The following SPOCK3 variants were observed in gnomAD, a reference collection of about 807,000 sequenced individuals.
SPOCK3 encodes SPARC (osteonectin), cwcv and kazal like domains proteoglycan 3.
In SPOCK3, 30 loss-of-function variants were observed where a neutral mutation model predicts 56.6. The observed-to-expected ratio is 0.53, with a 90% confidence interval of 0.40 to 0.72. The LOEUF (loss-of-function observed/expected upper bound fraction) is 0.72, where lower values mean the gene tolerates loss of function less well. Among genes scored for constraint, SPOCK3 ranks in the 30% least tolerant of loss-of-function variants. The pLI is 0.00. For missense variants in SPOCK3, 527 were observed against 530.0 expected, an observed-to-expected ratio of 0.99 and a Z score of 0.06; for synonymous variants, 196 against 183.3, an observed-to-expected ratio of 1.07 and a Z score of -0.56.
At chr4:166,886,225 T>TGAAA (rs1734190178) in intron 6 of SPOCK3, among the ~76,000 whole-genome samples, 1 of 152,098 alleles carries the variant, frequency 6.6e-6, no homozygotes, top group Non-Finnish European at 1.5e-5. Flanking sequence ...GTCAATATCC[T>TGAAA]TTGAATGAAT....
intron 2 of SPOCK3, among the ~76,000 whole-genome samples, chr4:167,222,995 T>C (rs1229890506): frequency 7.9e-6 from 1 of 126,440 alleles, no homozygotes; most frequent in Non-Finnish European, 1.6e-5. Flanking sequence ...ATATTTTATA[T>C]ATGAATATAT....
intron 6 of SPOCK3, among the ~76,000 whole-genome samples, chr4:166,792,594 C>T (rs1025920714): frequency 2.6e-5 from 4 of 151,902 alleles, no homozygotes; most frequent in African/African-American, 7.3e-5. Flanking sequence ...GTCATAAATA[C>T]TTTTTTATGC....
At position 166,754,737 on chromosome 4, in the gene SPOCK3, C is replaced by CA. The variant is rs369209026; in HGVS notation, c.710-9dup. Reference sequence around the variant, plus strand: ...AGATGCTGGTATCGAATCCTAAAGGCAAAAAAAAGAAAATGATTAGTTAAA... The same window carrying CA: ...AGATGCTGGTATCGAATCCTAAAGGCAAAAAAAAAGAAAATGATTAGTTAAA... On this transcript the variant is annotated splice_polypyrimidine_tract_variant and intron_variant, in intron 7 of 10. Coordinates refer to ENST00000357545, the MANE Select transcript of SPOCK3 (RefSeq NM_001040159.2). The CA allele has an allele frequency of 3.1e-3, 5,000 of 1,596,472 alleles. 10 individuals carry two copies. The highest frequency in any genetic ancestry group is 3.6e-3 in the Non-Finnish European group (4,278 of 1,173,626).
rs1280035250 is a variant in SPOCK3 at position 167,176,557 on chromosome 4, A to G, written c.189+57428T>C. ...TTAAATGCCATTTTTTTTGTTGTCAATGTATCTTCACAGTATGTATATTAA... is the reference window on the plus strand; with the variant it reads ...TTAAATGCCATTTTTTTTGTTGTCAGTGTATCTTCACAGTATGTATATTAA... On this transcript the variant is annotated intron_variant, in intron 2 of 10. Coordinates refer to ENST00000357545, the MANE Select transcript of SPOCK3 (RefSeq NM_001040159.2). 2.0e-5 allele frequency among the ~76,000 whole-genome samples: 3 copies of G among 152,078 alleles called. No homozygotes were observed. In the East Asian group the frequency reaches 5.8e-4, roughly 29 times the overall value.
At chr4:166,895,083 T>C (rs1341577161) in intron 5 of SPOCK3, among the ~76,000 whole-genome samples, 1 of 152,120 alleles carries the variant, frequency 6.6e-6, no homozygotes, top group African/African-American at 2.4e-5. Flanking sequence ...GTCATTCAAA[T>C]CAAAATTCTT....
At chr4:167,013,459 C>A (rs953896010) in intron 3 of SPOCK3, among the ~76,000 whole-genome samples, 2 of 150,734 alleles carry the variant, frequency 1.3e-5, no homozygotes, top group African/African-American at 4.9e-5. Flanking sequence ...AAAATAGATG[C>A]CTTTCAGAAT....
intron 4 of SPOCK3, among the ~76,000 whole-genome samples, chr4:166,943,147 T>C (rs967845984): frequency 2.0e-5 from 3 of 152,232 alleles, no homozygotes; most frequent in South Asian, 2.1e-4. Context: ...AAACATTTTA[T>C]AGCACACTTC....
At chr4:167,015,044 C>T (rs1406062730) in intron 3 of SPOCK3, among the ~76,000 whole-genome samples, 2 of 151,824 alleles carry the variant, frequency 1.3e-5, no homozygotes, top group Non-Finnish European at 2.9e-5. Flanking sequence ...CAAAACCATG[C>T]AATCAGAAAT....
chr4:166,873,780 G>A (rs1184189544), intron 6 of SPOCK3, among the ~76,000 whole-genome samples: 1 of 152,098 alleles, frequency 6.6e-6, no homozygotes, highest in South Asian at 2.1e-4. Flanking sequence ...ACTAGGCACT[G>A]TAGATGCTAA....
chr4:167,005,219 T>C (rs943196373), intron 3 of SPOCK3, among the ~76,000 whole-genome samples: 10 of 151,312 alleles, frequency 6.6e-5, no homozygotes, highest in Non-Finnish European at 1.3e-4. Context: ...TTCTTTATTC[T>C]TTTTTTTTGA....
Position 166,855,194 on chromosome 4 carries a change from C to T in SPOCK3, c.589+33936G>A, listed in dbSNP as rs557167797. ...GGCCAAGAGAAAAGTTTCCCCCTGA[C>T]CCCCCAACAATCAGCTCAGCACTTC... is the stretch of plus-strand genomic sequence containing the variant. On this transcript the variant is annotated intron_variant, in intron 6 of 10. Transcript: ENST00000357545. Among the ~76,000 whole-genome samples the T allele has an allele frequency of 9.4e-4, 143 of 152,208 alleles. 1 individual carries two copies. Among genetic ancestry groups the T allele is most frequent in the African/African-American group, 3.2e-3 (134 of 41,532 alleles).
intron 2 of SPOCK3, among the ~76,000 whole-genome samples, chr4:167,077,893 A>C (rs1261263326): frequency 6.6e-6 from 1 of 151,922 alleles, no homozygotes; most frequent in Non-Finnish European, 1.5e-5. Context: ...AGGAGGCAAC[A>C]TGGAGAGGAA....
intron 4 of SPOCK3, among the ~76,000 whole-genome samples, chr4:166,916,871 A>G (rs1737912373): frequency 6.6e-6 from 1 of 152,242 alleles, no homozygotes; most frequent in African/African-American, 2.4e-5. Context: ...AGCAAAAGTT[A>G]GAAGCATAAA....
chr4:167,232,414 C>T (rs192643410), intron 2 of SPOCK3, among the ~76,000 whole-genome samples: 11 of 151,078 alleles, frequency 7.3e-5, no homozygotes, highest in Non-Finnish European at 1.5e-5. Context: ...CTAAATATAT[C>T]CCATTGTTGG....
intron 5 of SPOCK3, among the ~76,000 whole-genome samples, chr4:166,910,151 G>T (rs1464986802): frequency 6.6e-6 from 1 of 152,020 alleles, no homozygotes; most frequent in South Asian, 2.1e-4. Flanking sequence ...TCTCATTGCT[G>T]TCAATGCAAA....
chr4:167,211,665 C>A (rs1444342471), intron 2 of SPOCK3, among the ~76,000 whole-genome samples: 1 of 152,134 alleles, frequency 6.6e-6, no homozygotes, highest in Non-Finnish European at 1.5e-5. Context: ...GTGAGACATG[C>A]CTTTCACCTT....
At chr4:166,837,141 G>C (rs1746702891) in intron 6 of SPOCK3, among the ~76,000 whole-genome samples, 1 of 152,182 alleles carries the variant, frequency 6.6e-6, no homozygotes, top group African/African-American at 2.4e-5. Context: ...GTTGGCAGGA[G>C]TTTTGTTCAT....
intron 6 of SPOCK3, among the ~76,000 whole-genome samples, chr4:166,878,576 G>A (rs1236437052): frequency 6.6e-6 from 1 of 152,006 alleles, no homozygotes; most frequent in Non-Finnish European, 1.5e-5. Flanking sequence ...CTCATAGCTT[G>A]TAGTAAGTTC....
chr4:166,942,501 A>G (rs1233395510), intron 4 of SPOCK3, among the ~76,000 whole-genome samples: 1 of 151,970 alleles, frequency 6.6e-6, no homozygotes, highest in Non-Finnish European at 1.5e-5. Flanking sequence ...AGTTAAAAAA[A>G]AAACACAAAA....
Sources: gnomAD v4.1 joint callset for allele counts (sites outside exome capture counted in the v4.1 genomes callset) on GRCh38, gnomAD v4.1.1 for gene constraint, MANE v1.5 for transcripts, NCBI Gene and HGNC (gene_info 2026-07-23, HGNC 2026-07-21) for gene names.